The following KCTD16 variants were observed in gnomAD, a reference collection of about 807,000 sequenced individuals.
KCTD16 encodes BTB/POZ domain-containing protein KCTD16.
In KCTD16, 13 loss-of-function variants were observed where a neutral mutation model predicts 33.2. The ratio of observed to expected loss-of-function variants is 0.39; its 90% CI spans 0.25 to 0.62. The LOEUF (loss-of-function observed/expected upper bound fraction) is 0.62. Ranked by LOEUF, KCTD16 falls within the 20% of genes least tolerant of loss-of-function variation. The probability of loss-of-function intolerance (pLI) is 0.50; values close to 1 mark genes in which losing one functional copy is unlikely to be tolerated. For missense variants in KCTD16, 441 were observed against 525.1 expected, an observed-to-expected ratio of 0.84 and a Z score of 1.57; for synonymous variants, 197 against 195.3, an observed-to-expected ratio of 1.01 and a Z score of -0.07.
intron 3 of KCTD16, among the ~76,000 whole-genome samples, chr5:144,310,233 A>AT (rs1751725386): frequency 6.6e-6 from 1 of 152,118 alleles, no homozygotes; most frequent in Non-Finnish European, 1.5e-5. Context: ...ACAGGATTTC[A>AT]TTTTTTATAC....
At chr5:144,300,948 A>G (rs1457838935) in intron 3 of KCTD16, among the ~76,000 whole-genome samples, 1 of 152,126 alleles carries the variant, frequency 6.6e-6, no homozygotes, top group African/African-American at 2.4e-5. Flanking sequence ...GTAGAGTCAT[A>G]AAGATTATTA....
chr5:144,237,957 C>T (rs1380121555), intron 3 of KCTD16, among the ~76,000 whole-genome samples: 1 of 152,160 alleles, frequency 6.6e-6, no homozygotes, highest in Non-Finnish European at 1.5e-5. Flanking sequence ...TCTTCTCAGA[C>T]ACTGCACAAC....
chr5:144,305,340 C>A (rs1024767533), intron 3 of KCTD16, among the ~76,000 whole-genome samples: 1 of 152,114 alleles, frequency 6.6e-6, no homozygotes, highest in African/African-American at 2.4e-5. Flanking sequence ...AGCCCTAACC[C>A]TCAATGCCTC....
At position 144,221,477 on chromosome 5, in the gene KCTD16, C is replaced by G. The variant is rs149063835; in HGVS notation, c.832+13931C>G. Among the ~76,000 whole-genome samples the G allele has an allele frequency of 4.9e-3, 740 of 152,152 alleles. 4 individuals are homozygous for G. The highest frequency in any genetic ancestry group is 0.016 in the African/African-American group (663 of 41,486). On this transcript the variant is annotated intron_variant, in intron 3 of 3. Transcript: ENST00000512467. ...GATCCTTTCTCTGTGTCCATGTGTT[C>G]TCATTGTTCAACTCTCACTTATGAG...
chr5:144,453,963 G>A (rs1754004498), intron 3 of KCTD16, among the ~76,000 whole-genome samples: 2 of 152,072 alleles, frequency 1.3e-5, no homozygotes, highest in South Asian at 2.1e-4. Context: ...GTGTAACACC[G>A]AGCCCAGTCA....
intron 3 of KCTD16, among the ~76,000 whole-genome samples, chr5:144,299,928 A>G (rs917795353): frequency 1.3e-5 from 2 of 151,920 alleles, no homozygotes; most frequent in African/African-American, 2.4e-5. Flanking sequence ...AAAAACAAAA[A>G]ACAAAAAGAC....
chr5:144,297,676 C>A (rs868849205), intron 3 of KCTD16, among the ~76,000 whole-genome samples: 1 of 152,188 alleles, frequency 6.6e-6, no homozygotes, highest in African/African-American at 2.4e-5. Flanking sequence ...GGGCTTGCAA[C>A]TTAGCTCACA....
At chr5:144,194,525 T>C (rs1181369408) in intron 2 of KCTD16, among the ~76,000 whole-genome samples, 1 of 152,146 alleles carries the variant, frequency 6.6e-6, no homozygotes, top group Non-Finnish European at 1.5e-5. Context: ...ATTAGAACAG[T>C]TTGGGGAAGG....
rs78972660 is a variant in KCTD16, at chr5:144,214,816, T to G, written c.832+7270T>G. ...AGCACATATAATAATGTATTCTACTTGGTTATTTACCTGTCTTTCCAACTG... is the reference window on the plus strand; with the variant it reads ...AGCACATATAATAATGTATTCTACTGGGTTATTTACCTGTCTTTCCAACTG... On this transcript the variant is annotated intron_variant, in intron 3 of 3. Transcript: ENST00000512467. Among the ~76,000 whole-genome samples the G allele has an allele frequency of 3.3e-3, 496 of 152,326 alleles. 4 individuals carry two copies. Among genetic ancestry groups the G allele is most frequent in the African/African-American group, 0.012 (480 of 41,562 alleles).
intron 3 of KCTD16, among the ~76,000 whole-genome samples, chr5:144,236,002 A>T (rs1754242499): frequency 6.6e-6 from 1 of 152,148 alleles, no homozygotes; most frequent in South Asian, 2.1e-4. Context: ...TATGAAGTCT[A>T]GAACTAGAGA....
Position 144,179,106 on chromosome 5 carries a change from A to G in KCTD16, c.-327+4634A>G, listed in dbSNP as rs552834411. ...ACTTTACAAATGAGGATCTGAGGCC[A>G]GGAGAAGTGAAGGTATGTATTGTAA... On this transcript the variant is annotated intron_variant, in intron 2 of 3. Coordinates refer to ENST00000512467, the MANE Select transcript of KCTD16 (RefSeq NM_020768.4). Among the ~76,000 whole-genome samples, 51 of 152,326 alleles carry G rather than the reference A, an allele frequency of 3.3e-4. 1 individual carries two copies. The highest frequency in any genetic ancestry group is 1.2e-3 in the African/African-American group (51 of 41,582).
rs145389174 is a variant in KCTD16 at position 144,209,908 on chromosome 5, G to GTATA, written c.832+2375_832+2378dup. Among the ~76,000 whole-genome samples, 1,154 of 142,328 alleles carry GTATA rather than the reference G, an allele frequency of 8.1e-3. 17 individuals are homozygous for GTATA. The highest frequency in any genetic ancestry group is 0.025 in the African/African-American group (986 of 38,736). The allele number at this position is 142,328 out of a possible 152,430, so 93.4% of individuals were successfully genotyped here. On this transcript the variant is annotated intron_variant, in intron 3 of 3. Transcript: ENST00000512467. ...TATATATATGTGTGTGTATATATATGTATATATATATATATACAAGCTCCT... is the reference window on the plus strand; with the variant it reads ...TATATATATGTGTGTGTATATATATGTATATATATATATATATATACAAGCTCCT...
At chr5:144,449,316 T>C (rs1753889348) in intron 3 of KCTD16, among the ~76,000 whole-genome samples, 1 of 151,990 alleles carries the variant, frequency 6.6e-6, no homozygotes, top group Admixed American at 6.6e-5. Flanking sequence ...TGTTAGAATG[T>C]GCATACTATG....
At chr5:144,234,966 T>G (rs1274873109) in intron 3 of KCTD16, among the ~76,000 whole-genome samples, 1 of 152,038 alleles carries the variant, frequency 6.6e-6, no homozygotes, top group Non-Finnish European at 1.5e-5. Flanking sequence ...CAGAAATGCA[T>G]CATTAACTCT....
chr5:144,299,110 A>G lies in KCTD16; in HGVS notation c.832+91564A>G, dbSNP rs533730110. Among the ~76,000 whole-genome samples, 17 of 11,442 alleles carry G rather than the reference A, an allele frequency of 1.5e-3. 1 individual carries two copies. Among genetic ancestry groups the G allele is most frequent in the South Asian group, 0.013 (5 of 392 alleles). The allele number at this position is 11,442 out of a possible 152,430, so 7.5% of individuals were successfully genotyped here. The stretch of plus-strand genomic sequence containing the variant: ...TATATCACTATGTATATATATATAT[A>G]TATATATATATATATATATATATAT... On this transcript the variant is annotated intron_variant, in intron 3 of 3. Coordinates refer to ENST00000512467, the MANE Select transcript of KCTD16 (RefSeq NM_020768.4).
intron 3 of KCTD16, among the ~76,000 whole-genome samples, chr5:144,438,063 A>AT (rs1753619404): frequency 6.6e-6 from 1 of 152,216 alleles, no homozygotes; most frequent in South Asian, 2.1e-4. Context: ...GTGTGAAATG[A>AT]TTTTATGTAT....
intron 3 of KCTD16, among the ~76,000 whole-genome samples, chr5:144,396,717 A>G (rs1368117887): frequency 1.3e-5 from 2 of 152,062 alleles, no homozygotes; most frequent in Non-Finnish European, 1.5e-5. Context: ...TTGCAAATCA[A>G]AACACCCAAG....
chr5:144,278,408 G>A (rs1755497498), intron 3 of KCTD16, among the ~76,000 whole-genome samples: 1 of 150,134 alleles, frequency 6.7e-6, no homozygotes, highest in African/African-American at 2.4e-5. Context: ...TCGTGTTAAA[G>A]TGTTAAAAAA....
At chr5:144,371,193 A>G (rs1376221378) in intron 3 of KCTD16, among the ~76,000 whole-genome samples, 1 of 152,142 alleles carries the variant, frequency 6.6e-6, no homozygotes, top group African/African-American at 2.4e-5. Flanking sequence ...CTCTGCTTCA[A>G]CAAAGATGGG....
Sources: gnomAD v4.1 joint callset for allele counts (sites outside exome capture counted in the v4.1 genomes callset) on GRCh38, gnomAD v4.1.1 for gene constraint, MANE v1.5 for transcripts, NCBI Gene and HGNC (gene_info 2026-07-23, HGNC 2026-07-21) for gene names.